The following LCLAT1 variants were observed in gnomAD, a reference collection of about 807,000 sequenced individuals.
The protein encoded by LCLAT1 is lysocardiolipin acyltransferase 1.
LCLAT1 carries 11 observed loss-of-function variants against 30.7 expected under a neutral mutation model. That is an observed-to-expected ratio of 0.36 (90% confidence interval 0.23 to 0.59). The LOEUF (loss-of-function observed/expected upper bound fraction) is 0.59. Among genes scored for constraint, LCLAT1 ranks in the 20% least tolerant of loss-of-function variants. The pLI is 0.77. For missense variants in LCLAT1, 402 were observed against 458.6 expected, an observed-to-expected ratio of 0.88 and a Z score of 1.13; for synonymous variants, 155 against 151.3, an observed-to-expected ratio of 1.02 and a Z score of -0.18.
At chr2:30,525,168 G>A (rs902125403) in intron 1 of LCLAT1, among the ~76,000 whole-genome samples, 2 of 151,868 alleles carry the variant, frequency 1.3e-5, no homozygotes, top group East Asian at 1.9e-4. Context: ...GCAGTGGTGC[G>A]ATCTTGGCTC....
At chr2:30,477,974 A>C (rs1038544146) in intron 1 of LCLAT1, among the ~76,000 whole-genome samples, 2 of 151,994 alleles carry the variant, frequency 1.3e-5, no homozygotes, top group Admixed American at 6.6e-5. Context: ...AAAAATCTCA[A>C]AGATTTACTT....
At chr2:30,625,255 T>C (rs1025399641) in intron 5 of LCLAT1, among the ~76,000 whole-genome samples, 3 of 152,046 alleles carry the variant, frequency 2.0e-5, no homozygotes, top group South Asian at 2.1e-4. Flanking sequence ...CTAAATGAAA[T>C]TGAAACAACA....
At chr2:30,524,385 A>G (rs1685611990) in intron 1 of LCLAT1, among the ~76,000 whole-genome samples, 1 of 152,250 alleles carries the variant, frequency 6.6e-6, no homozygotes, top group Non-Finnish European at 1.5e-5. Flanking sequence ...CTGGATTTTA[A>G]AAAATTTCAA....
intron 3 of LCLAT1, among the ~76,000 whole-genome samples, chr2:30,534,439 G>C (rs1027700583): frequency 3.9e-5 from 6 of 152,032 alleles, no homozygotes; most frequent in Admixed American, 1.3e-4. Context: ...CACCACGCCT[G>C]GCTAATTTTT....
rs553477746 is a variant in LCLAT1 at position 30,480,022 on chromosome 2, A to T, written c.-5+32639A>T. 7.9e-5 allele frequency among the ~76,000 whole-genome samples: 12 copies of T among 152,310 alleles called. No homozygotes were observed. In the South Asian group the frequency reaches 2.5e-3, roughly 32 times the overall value. ...CTTTCATCCTTTTATACTGTATCTC[A>T]TTACATCATAGAGATAAACCTTTGA... On this transcript the variant is annotated intron_variant, in intron 1 of 5. Coordinates refer to ENST00000379509, the MANE Select transcript of LCLAT1 (RefSeq NM_001002257.3).
chr2:30,476,501 G>T (rs1177698573), intron 1 of LCLAT1: 4 of 456,440 alleles, frequency 8.8e-6, no homozygotes, highest in Non-Finnish European at 1.3e-5. Context: ...AACTGTGCTT[G>T]CAGGGGATCT....
intron 1 of LCLAT1, among the ~76,000 whole-genome samples, chr2:30,515,609 A>C (rs1685142763): frequency 1.3e-5 from 2 of 152,228 alleles, no homozygotes; most frequent in Admixed American, 1.3e-4. Flanking sequence ...CACTTGAAGT[A>C]GGCATAGTTT....
intron 1 of LCLAT1, among the ~76,000 whole-genome samples, chr2:30,459,051 T>C (rs1681971892): frequency 6.6e-6 from 1 of 152,240 alleles, no homozygotes; most frequent in Non-Finnish European, 1.5e-5. Context: ...AATTTGGCAG[T>C]AGAATCAGGA....
intron 1 of LCLAT1, among the ~76,000 whole-genome samples, chr2:30,491,377 A>G (rs989323406): frequency 2.0e-5 from 3 of 152,206 alleles, no homozygotes; most frequent in African/African-American, 7.2e-5. Flanking sequence ...ATCCTAAGGT[A>G]GGTACTGTTG....
chr2:30,523,736 C>T (rs114555029), intron 1 of LCLAT1, among the ~76,000 whole-genome samples: 195 of 152,202 alleles, frequency 1.3e-3, no homozygotes, highest in African/African-American at 4.7e-3. Context: ...AGTGTGGTGG[C>T]GCGTGTCTGT....
In LCLAT1 at chr2:30,640,359, G is replaced by A. The variant is rs201388736; in HGVS notation, c.871G>A (p.Gly291Arg). Residue 291 changes from glycine (G) to arginine (R), a missense_variant, in exon 6 of 6, where the codon GGA becomes AGA. Transcript: ENST00000379509. ...YQGEKNFYFTGQSVIPPCKSE... is the reference protein window; with the variant it reads ...YQGEKNFYFTRQSVIPPCKSE... Reference sequence around the variant, plus strand: ...AGGGGAGAAGAATTTTTATTTTACCGGACAGAGTGTCATTCCACCTTGCAA... The same window carrying A: ...AGGGGAGAAGAATTTTTATTTTACCAGACAGAGTGTCATTCCACCTTGCAA... 9.2e-5 allele frequency: 149 copies of A among 1,614,056 alleles called. No homozygotes were observed. The highest frequency in any genetic ancestry group is 1.3e-4 in the African/African-American group (10 of 74,906).
intron 1 of LCLAT1, among the ~76,000 whole-genome samples, chr2:30,512,262 A>G (rs887430139): frequency 6.6e-6 from 1 of 152,218 alleles, no homozygotes; most frequent in African/African-American, 2.4e-5. Flanking sequence ...AAAAATAGAA[A>G]AAATTAACCA....
At chr2:30,525,522 C>T in intron 1 of LCLAT1, 65 bp from the exon 2 acceptor site, 2 of 1,239,276 alleles carry the variant, frequency 1.6e-6, no homozygotes, top group East Asian at 2.3e-5. Context: ...GCTCCATCAT[C>T]CTGAAATTGA....
intron 5 of LCLAT1, among the ~76,000 whole-genome samples, chr2:30,586,814 G>C (rs1280598994): frequency 6.6e-6 from 1 of 151,926 alleles, no homozygotes; most frequent in Non-Finnish European, 1.5e-5. Flanking sequence ...TTGTTCAAAT[G>C]TCTTTAGTCT....
intron 5 of LCLAT1, among the ~76,000 whole-genome samples, chr2:30,625,604 A>C (rs1365197279): frequency 6.6e-6 from 1 of 152,244 alleles, no homozygotes; most frequent in African/African-American, 2.4e-5. Flanking sequence ...AAAATCACAC[A>C]GAAAGATGGT....
chr2:30,542,979 C>A (rs571589356), intron 3 of LCLAT1, among the ~76,000 whole-genome samples: 7 of 118,892 alleles, frequency 5.9e-5, no homozygotes, highest in African/African-American at 1.9e-4. Context: ...TGCCTTATTG[C>A]GGTGGCTATT....
At chr2:30,607,353 G>C (rs1667498986) in intron 5 of LCLAT1, 1 of 152,066 alleles carries the variant, frequency 6.6e-6, no homozygotes, top group African/African-American at 2.4e-5. Context: ...TATCTTTATA[G>C]ATGTCTTCTT....
chr2:30,605,292 G>A (rs1453017894), intron 5 of LCLAT1, among the ~76,000 whole-genome samples: 1 of 152,166 alleles, frequency 6.6e-6, no homozygotes, highest in African/African-American at 2.4e-5. Context: ...ACCAGCTAAA[G>A]GTATAAACTT....
chr2:30,466,229 T>TTTTTCTTTTCTTTTCTTCTCTTTTC (rs1682419031), intron 1 of LCLAT1, among the ~76,000 whole-genome samples: 1 of 149,606 alleles, frequency 6.7e-6, no homozygotes, highest in Non-Finnish European at 1.5e-5. Context: ...GTGTTTTCTT[T>TTTTTCTTTTCTTTTCTTCTCTTTTC]TTTTCTTTTC....
Sources: gnomAD v4.1 joint callset for allele counts (sites outside exome capture counted in the v4.1 genomes callset) on GRCh38, gnomAD v4.1.1 for gene constraint, MANE v1.5 for transcripts, NCBI Gene and HGNC (gene_info 2026-07-23, HGNC 2026-07-21) for gene names.